The following DIP2C variants were observed in gnomAD, a reference collection of about 807,000 sequenced individuals.
The protein encoded by DIP2C is DIP2 acetate--CoA ligase C (putative).
A neutral mutation model predicts 192.4 loss-of-function variants in DIP2C; 33 were observed. The observed-to-expected ratio is 0.17, with a 90% confidence interval of 0.13 to 0.23. The LOEUF (loss-of-function observed/expected upper bound fraction) is 0.23. Among genes scored for constraint, DIP2C ranks in the 10% least tolerant of loss-of-function variants. The pLI, the probability that DIP2C is intolerant of heterozygous loss-of-function variation, is 1.00. For missense variants in DIP2C, 1,537 were observed against 2,110.1 expected, an observed-to-expected ratio of 0.73 and a Z score of 5.32; for synonymous variants, 979 against 864.1, an observed-to-expected ratio of 1.13 and a Z score of -2.33.
chr10:596,287 A>G (rs1851693104), intron 1 of DIP2C, among the ~76,000 whole-genome samples: 1 of 152,126 alleles, frequency 6.6e-6, no homozygotes, highest in Non-Finnish European at 1.5e-5. Context: ...AGGTGGGTGC[A>G]TCACCTGAGA....
intron 4 of DIP2C, among the ~76,000 whole-genome samples, chr10:433,849 T>C (rs1309946082): frequency 6.6e-6 from 1 of 152,244 alleles, no homozygotes; most frequent in African/African-American, 2.4e-5. Context: ...TACAGTTGAA[T>C]TAATATCTAC....
intron 1 of DIP2C, among the ~76,000 whole-genome samples, chr10:551,807 G>T (rs932840506): frequency 2.6e-5 from 4 of 152,184 alleles, no homozygotes; most frequent in Admixed American, 2.6e-4. Flanking sequence ...CAGGCTCTGG[G>T]GTTCAACCTC....
At chr10:300,134 T>C (rs1014654273) in intron 32 of DIP2C, among the ~76,000 whole-genome samples, 1 of 152,156 alleles carries the variant, frequency 6.6e-6, no homozygotes, top group African/African-American at 2.4e-5. Context: ...AGAACTAATG[T>C]ATGGTTCAGC....
chr10:576,289 G>A (rs918161131), intron 1 of DIP2C, among the ~76,000 whole-genome samples: 5 of 152,196 alleles, frequency 3.3e-5, no homozygotes, highest in Admixed American at 6.5e-5. Context: ...CGAGGCAAAC[G>A]CCACAGACCA....
intron 2 of DIP2C, among the ~76,000 whole-genome samples, chr10:472,943 T>G (rs1970747768): frequency 6.6e-6 from 1 of 152,186 alleles, no homozygotes; most frequent in Admixed American, 6.5e-5. Flanking sequence ...TTAAGAAAAT[T>G]TAAAAGTATA....
chr10:570,205 A>G (rs1400950544), intron 1 of DIP2C, among the ~76,000 whole-genome samples: 1 of 152,254 alleles, frequency 6.6e-6, no homozygotes, highest in South Asian at 2.1e-4. Flanking sequence ...CTGTGAGTCT[A>G]TGACGTGTCA....
intron 22 of DIP2C, among the ~76,000 whole-genome samples, chr10:358,980 C>T (rs2132698852): frequency 1.3e-5 from 2 of 152,042 alleles, no homozygotes; most frequent in East Asian, 3.9e-4. Flanking sequence ...TCTTAAATTC[C>T]CGATAAAGGT....
At chr10:393,006 C>T (rs929567665) in intron 10 of DIP2C, among the ~76,000 whole-genome samples, 5 of 152,186 alleles carry the variant, frequency 3.3e-5, no homozygotes, top group South Asian at 2.1e-4. Context: ...CGACCTCTGC[C>T]GGTGACCCAA....
intron 24 of DIP2C, among the ~76,000 whole-genome samples, chr10:354,117 T>C (rs1958959582): frequency 6.6e-6 from 1 of 152,204 alleles, no homozygotes; most frequent in South Asian, 2.1e-4. Flanking sequence ...CCTGCCTCTG[T>C]GTCCAGCGAG....
At chr10:487,041 GT>G (rs1844066241) in intron 1 of DIP2C, among the ~76,000 whole-genome samples, 1 of 152,370 alleles carries the variant, frequency 6.6e-6, no homozygotes, top group African/African-American at 2.4e-5. Context: ...GAAGCAAAAG[GT>G]GTGAAACCTG....
Position 456,725 on chromosome 10 carries a change from C to T in DIP2C, c.268+15714G>A, listed in dbSNP as rs566065083. Among the ~76,000 whole-genome samples the T allele has an allele frequency of 2.6e-5, 4 of 152,308 alleles. No homozygotes were observed. In the South Asian group the frequency reaches 8.3e-4, roughly 32 times the overall value. On this transcript the variant is annotated intron_variant, in intron 3 of 36. Coordinates refer to ENST00000280886, the MANE Select transcript of DIP2C (RefSeq NM_014974.3). ...CTACACAGGGCCATCTGTGTTCCCTCCCTTTTGTCTCCACTACATAGGGCC... is the reference window on the plus strand; with the variant it reads ...CTACACAGGGCCATCTGTGTTCCCTTCCTTTTGTCTCCACTACATAGGGCC...
chr10:302,857 G>A (rs1168214761), intron 32 of DIP2C, among the ~76,000 whole-genome samples: 1 of 152,218 alleles, frequency 6.6e-6, no homozygotes, highest in Non-Finnish European at 1.5e-5. Context: ...GCTGCTCTGG[G>A]TGAGTGGTAA....
intron 1 of DIP2C, among the ~76,000 whole-genome samples, chr10:598,250 C>CT (rs1851836565): frequency 6.6e-6 from 1 of 151,728 alleles, no homozygotes; most frequent in African/African-American, 2.4e-5. Flanking sequence ...CCAAGGGCAG[C>CT]TCACCCAGGA....
In DIP2C at chr10:342,320, G is replaced by A. The variant is rs954138756; in HGVS notation, c.3454-991C>T. 7.2e-5 allele frequency among the ~76,000 whole-genome samples: 11 copies of A among 152,220 alleles called. 1 individual carries two copies. In the Middle Eastern group the frequency reaches 0.01, roughly 141 times the overall value. ...GTTACAGGCGCCCGCCACCACGCCC[G>A]GCTAATTTTTTGTATTTTTAGTAGA... On this transcript the variant is annotated intron_variant, in intron 28 of 36. Transcript: ENST00000280886.
At chr10:397,827 C>G (rs945100043) in intron 10 of DIP2C, among the ~76,000 whole-genome samples, 2 of 151,790 alleles carry the variant, frequency 1.3e-5, no homozygotes. Flanking sequence ...CTGAAGAGAC[C>G]TCTTCCCTCA....
intron 1 of DIP2C, among the ~76,000 whole-genome samples, chr10:541,751 C>A (rs1322216186): frequency 6.6e-6 from 1 of 150,558 alleles, no homozygotes; most frequent in Admixed American, 6.6e-5. Flanking sequence ...ACTGACCACA[C>A]CCATCTCTCC....
intron 3 of DIP2C, among the ~76,000 whole-genome samples, chr10:446,990 T>C (rs1039299005): frequency 2.0e-5 from 3 of 152,208 alleles, no homozygotes; most frequent in South Asian, 2.1e-4. Context: ...GATGTAGTAA[T>C]AATTTGTAAA....
intron 1 of DIP2C, among the ~76,000 whole-genome samples, chr10:611,704 A>G (rs7909954): frequency 0.032 from 4,942 of 152,214 alleles, 160 homozygotes; most frequent in African/African-American, 0.076. Flanking sequence ...ATCCGATGCT[A>G]TTTTCCTAAG....
chr10:588,541 G>A (rs888945693), intron 1 of DIP2C, among the ~76,000 whole-genome samples: 39 of 152,208 alleles, frequency 2.6e-4, no homozygotes, highest in Non-Finnish European at 4.6e-4. Flanking sequence ...GGTCCCTGCC[G>A]GGAAAGTGAC....
Sources: gnomAD v4.1 joint callset for allele counts (sites outside exome capture counted in the v4.1 genomes callset) on GRCh38, gnomAD v4.1.1 for gene constraint, MANE v1.5 for transcripts, NCBI Gene and HGNC (gene_info 2026-07-23, HGNC 2026-07-21) for gene names.